Variants in CARNMT1 observed in about 807,000 individuals in gnomAD.
CARNMT1 encodes carnosine N-methyltransferase 1, also known as protein-L-histidine N-pros-methyltransferase CARNMT1.
CARNMT1 carries 28 observed loss-of-function variants against 49.6 expected under a neutral mutation model. That is an observed-to-expected ratio of 0.56 (90% CI 0.42 to 0.77). The LOEUF is 0.77. Ranked by LOEUF, CARNMT1 falls within the 30% of genes least tolerant of loss-of-function variation. CARNMT1 has a pLI of 0.00. For missense variants in CARNMT1, 421 were observed against 512.6 expected, an observed-to-expected ratio of 0.82 and a Z score of 1.73; for synonymous variants, 178 against 175.0, an observed-to-expected ratio of 1.02 and a Z score of -0.13.
intron 3 of CARNMT1, among the ~76,000 whole-genome samples, chr9:75,008,710 TA>T (rs1157875285): frequency 6.6e-6 from 1 of 152,246 alleles, no homozygotes; most frequent in Non-Finnish European, 1.5e-5. Context: ...CATACTGTGA[TA>T]ATGTGTAAGA....
At chr9:74,987,794 T>C (rs1832889247) in intron 6 of CARNMT1, among the ~76,000 whole-genome samples, 1 of 151,532 alleles carries the variant, frequency 6.6e-6, no homozygotes, top group South Asian at 2.1e-4. Context: ...TCCAAAAAAA[T>C]CCAACTTAAA....
chr9:75,015,000 A>C (rs972492169), intron 3 of CARNMT1, among the ~76,000 whole-genome samples: 1 of 152,172 alleles, frequency 6.6e-6, no homozygotes, highest in Admixed American at 6.5e-5. Flanking sequence ...GAGCCTCTCT[A>C]AAAGATCTTT....
intron 1 of CARNMT1, among the ~76,000 whole-genome samples, chr9:75,024,333 T>C (rs1373583138): frequency 6.6e-6 from 1 of 152,254 alleles, no homozygotes; most frequent in Non-Finnish European, 1.5e-5. Context: ...TAGGTCAGAT[T>C]CTACCACAAC....
chr9:75,017,153 G>C lies in CARNMT1; in HGVS notation c.426+100C>G, dbSNP rs543524461. 2.7e-4 allele frequency: 234 copies of C among 857,148 alleles called. No individual in the cohort carries two copies. In the African/African-American group the frequency reaches 3.6e-3, roughly 13 times the overall value. The allele number at this position is 857,148 out of a possible 1,614,324, so 53.1% of individuals were successfully genotyped here. ...TAAAACTTTCTGAGTAGAGCAAATAGCCTGTGCCAGATTATAAAAATGAAA... is the reference window on the plus strand; with the variant it reads ...TAAAACTTTCTGAGTAGAGCAAATACCCTGTGCCAGATTATAAAAATGAAA... On this transcript the variant is annotated intron_variant, in intron 2 of 7. Coordinates refer to ENST00000376834, the MANE Select transcript of CARNMT1 (RefSeq NM_152420.3).
At chr9:75,013,047 G>T (rs930880716) in intron 3 of CARNMT1, among the ~76,000 whole-genome samples, 4 of 152,118 alleles carry the variant, frequency 2.6e-5, no homozygotes, top group African/African-American at 9.7e-5. Context: ...AAACTTGGTG[G>T]ACTGTCGGGG....
At chr9:75,007,816 T>C (rs1286704628) in intron 3 of CARNMT1, among the ~76,000 whole-genome samples, 5 of 149,840 alleles carry the variant, frequency 3.3e-5, no homozygotes, top group Non-Finnish European at 7.4e-5. Flanking sequence ...AGCTACTCAA[T>C]GGTGAAAGAC....
chr9:74,996,556 G>T lies in CARNMT1; in HGVS notation c.915C>A (p.Thr305=). ...DFQEIYSECN[T]WDCIATCFFI... Reference sequence around the variant, plus strand: ...AGAAACAGGTAGCAATACAGTCCCAGGTATCTAATGAAGAAAAATCAAATT... The same window carrying T: ...AGAAACAGGTAGCAATACAGTCCCATGTATCTAATGAAGAAAAATCAAATT... Residue 305 remains threonine (T), a synonymous_variant, in exon 6 of 8, where the codon ACC becomes ACA. Coordinates refer to ENST00000376834, the MANE Select transcript of CARNMT1 (RefSeq NM_152420.3). 3.9e-6 allele frequency: 6 copies of T among 1,545,792 alleles called. No individual in the cohort carries two copies. The highest frequency in any genetic ancestry group is 5.3e-6 in the Non-Finnish European group (6 of 1,140,996).
intron 1 of CARNMT1, chr9:75,027,571 C>CGCGTGGGATGCTGT: frequency 1.2e-5 from 7 of 592,876 alleles, no homozygotes; most frequent in Non-Finnish European, 1.5e-5. Context: ...ATACGTCCTA[C>CGCGTGGGATGCTGT]AGCATCCCAC....
Position 75,017,495 on chromosome 9 carries a change from A to C in CARNMT1, c.231-47T>G, listed in dbSNP as rs2118858954. On this transcript the variant is annotated intron_variant, in intron 1 of 7. Transcript: ENST00000376834. ...TTAAATTCACAAAAGAATTCTCACC[A>C]GAGGCCAATCTTACTTTAAGGTTGT... The C allele has an allele frequency of 2.0e-6, 3 of 1,510,674 alleles. No individual in the cohort carries two copies. In the East Asian group the frequency reaches 6.8e-5, roughly 34 times the overall value. The allele number at this position is 1,510,674 out of a possible 1,614,324, so 93.6% of individuals were successfully genotyped here.
intron 4 of CARNMT1, 65 bp from the exon 5 acceptor site, chr9:74,998,841 T>G: frequency 1.1e-6 from 1 of 941,780 alleles, no homozygotes; most frequent in Middle Eastern, 3.4e-4. Context: ...CCACTTTAAA[T>G]ACTAAAAATA....
chr9:74,984,840 T>C (rs57537935), intron 7 of CARNMT1, 67 bp downstream of exon 7: 50,353 of 980,268 alleles, frequency 0.051, 2,824 homozygotes, highest in East Asian at 0.25. Context: ...CTAACAGCCA[T>C]GATATCAACA....
At chr9:74,998,453 C>T (rs17060731) in intron 5 of CARNMT1, 145 bp downstream of exon 5, 8,962 of 604,456 alleles carry the variant, frequency 0.015, 94 homozygotes, top group African/African-American at 0.046. Flanking sequence ...TTGTACACGA[C>T]CTTGAAAACA....
At chr9:74,998,414 T>C (rs185609959) in intron 5 of CARNMT1, among the ~76,000 whole-genome samples, 184 bp downstream of exon 5, 33 of 152,336 alleles carry the variant, frequency 2.2e-4, no homozygotes, top group African/African-American at 7.5e-4. Flanking sequence ...ACTGTAGATA[T>C]CTTACACTTC....
chr9:75,008,856 A>C (rs1186154602), intron 3 of CARNMT1, among the ~76,000 whole-genome samples: 1 of 152,184 alleles, frequency 6.6e-6, no homozygotes, highest in Non-Finnish European at 1.5e-5. Context: ...AGGCCCCCAA[A>C]ATAATCTTGA....
At chr9:75,013,233 C>G (rs1356556472) in intron 3 of CARNMT1, among the ~76,000 whole-genome samples, 1 of 152,098 alleles carries the variant, frequency 6.6e-6, no homozygotes, top group Admixed American at 6.5e-5. Context: ...TAAGTGCCAA[C>G]TGATATTTCT....
chr9:75,009,753 T>C (rs1259275767), intron 3 of CARNMT1: 1 of 152,196 alleles, frequency 6.6e-6, no homozygotes, highest in Non-Finnish European at 1.5e-5. Context: ...TCATTAATAT[T>C]ACTTTATTGT....
At chr9:75,017,972 T>C (rs1190076783) in intron 1 of CARNMT1, among the ~76,000 whole-genome samples, 1 of 152,110 alleles carries the variant, frequency 6.6e-6, no homozygotes, top group African/African-American at 2.4e-5. Flanking sequence ...ATACCCACAA[T>C]TTGCATTCCA....
At chr9:74,994,846 GT>G (rs761923849) in intron 6 of CARNMT1, among the ~76,000 whole-genome samples, 9 of 151,858 alleles carry the variant, frequency 5.9e-5, no homozygotes, top group Non-Finnish European at 8.8e-5. Flanking sequence ...TTTCAAAATT[GT>G]TTTGAGACTC....
intron 3 of CARNMT1, among the ~76,000 whole-genome samples, chr9:75,012,697 G>C (rs2118844020): frequency 6.6e-6 from 1 of 152,034 alleles, no homozygotes; most frequent in East Asian, 1.9e-4. Flanking sequence ...GCACGGCAAA[G>C]TTCAAGTTGT....
Sources: gnomAD v4.1 joint callset for allele counts (sites outside exome capture counted in the v4.1 genomes callset) on GRCh38, gnomAD v4.1.1 for gene constraint, MANE v1.5 for transcripts, NCBI Gene and HGNC (gene_info 2026-07-23, HGNC 2026-07-21) for gene names.